Variants in SCIMP observed in about 807,000 individuals in gnomAD.
SCIMP encodes the protein SLP adapter and CSK-interacting membrane protein.
Under a neutral mutation model 22.0 loss-of-function variants are expected in SCIMP, and 18 were observed. The observed-to-expected ratio is 0.82, with a 90% CI of 0.56 to 1.21. The LOEUF (loss-of-function observed/expected upper bound fraction) is 1.21, where lower values mean the gene tolerates loss of function less well. Among genes scored for constraint, SCIMP ranks in the 50% most tolerant of loss-of-function variants. The pLI is 0.00. For missense variants in SCIMP, 155 were observed against 171.2 expected, an observed-to-expected ratio of 0.91 and a Z score of 0.53; for synonymous variants, 53 against 62.2, an observed-to-expected ratio of 0.85 and a Z score of 0.70.
At chr17:5,223,171 A>G in intron 2 of SCIMP, 162 bp downstream of exon 2, 1 of 691,986 alleles carries the variant, frequency 1.4e-6, no homozygotes. Flanking sequence ...CTAGAGACAT[A>G]ATGTAGTGGC....
chr17:5,215,267 T>G, intron 3 of SCIMP: 1 of 347,144 alleles, frequency 2.9e-6, no homozygotes, highest in South Asian at 4.6e-5. Flanking sequence ...CACACCTTCC[T>G]GGTTCACCTG....
intron 1 of SCIMP, among the ~76,000 whole-genome samples, chr17:5,226,671 A>C (rs1205242720): frequency 6.6e-6 from 1 of 150,762 alleles, no homozygotes; most frequent in Non-Finnish European, 1.5e-5. Flanking sequence ...ATGCCCGGCT[A>C]ATTTTTTTTG....
At position 5,212,053 on chromosome 17, in the gene SCIMP, AAAAG is replaced by A. The variant is rs576895516; in HGVS notation, c.284-1102_284-1099del. ...ACAGAGCGAGACTCTGTCTCAAAAA[AAAAG>A]AAAGAAAGAAAGAAAAAGAAACAAA... On this transcript the variant is annotated intron_variant, in intron 4 of 4. Coordinates refer to ENST00000574081, the MANE Select transcript of SCIMP (RefSeq NM_207103.3). 1.8e-3 allele frequency among the ~76,000 whole-genome samples: 281 copies of A among 152,250 alleles called. 1 individual carries two copies. Among genetic ancestry groups the A allele is most frequent in the African/African-American group, 5.6e-3 (232 of 41,534 alleles).
At chr17:5,220,756 T>TA (rs201322715) in intron 3 of SCIMP, among the ~76,000 whole-genome samples, 2,238 of 123,078 alleles carry the variant, frequency 0.018, 55 homozygotes, top group African/African-American at 0.063. Context: ...AAAATAAAAA[T>TA]AAAAAAAAAT....
chr17:5,224,494 G>A (rs1392782892), intron 1 of SCIMP, among the ~76,000 whole-genome samples: 1 of 147,980 alleles, frequency 6.8e-6, no homozygotes, highest in Non-Finnish European at 1.5e-5. Flanking sequence ...ACAGAGGCTT[G>A]CTCTGTCGCC....
intron 3 of SCIMP, among the ~76,000 whole-genome samples, chr17:5,219,584 C>T (rs1173898164): frequency 1.3e-5 from 2 of 152,096 alleles, no homozygotes; most frequent in African/African-American, 4.8e-5. Context: ...GCCGAAATCA[C>T]GCCATTGCTC....
chr17:5,213,032 G>C, intron 4 of SCIMP: 3 of 325,408 alleles, frequency 9.2e-6, no homozygotes, highest in Non-Finnish European at 1.1e-5. Context: ...CTTCTGAGCT[G>C]ACATCTGAAG....
chr17:5,213,096 G>C, intron 4 of SCIMP: 2 of 961,500 alleles, frequency 2.1e-6, no homozygotes, highest in Non-Finnish European at 2.4e-6. Flanking sequence ...TCCAGTCAAA[G>C]GAACCAGGCA....
At chr17:5,219,526 G>C (rs967174061) in intron 3 of SCIMP, among the ~76,000 whole-genome samples, 6 of 147,244 alleles carry the variant, frequency 4.1e-5, no homozygotes, top group Non-Finnish European at 9.0e-5. Flanking sequence ...TGCTTAGGAA[G>C]CTGAGGCAGG....
chr17:5,216,987 A>G (rs1451311478), intron 3 of SCIMP, among the ~76,000 whole-genome samples: 1 of 152,114 alleles, frequency 6.6e-6, no homozygotes, highest in Non-Finnish European at 1.5e-5. Context: ...TGACTCCTAT[A>G]TGCTATAAAG....
intron 4 of SCIMP, chr17:5,214,504 G>C (rs1294015775): frequency 1.1e-4 from 16 of 151,444 alleles, no homozygotes; most frequent in Middle Eastern, 3.5e-3. Context: ...TGCAGTGAGT[G>C]GAGATCGCGC....
chr17:5,229,601 G>C (rs2074678036), intron 1 of SCIMP, among the ~76,000 whole-genome samples: 1 of 151,842 alleles, frequency 6.6e-6, no homozygotes, highest in Non-Finnish European at 1.5e-5. Context: ...ACACCATATT[G>C]GTCAGGCTGG....
At chr17:5,211,584 CTGTTG>C in intron 4 of SCIMP, among the ~76,000 whole-genome samples, 1 of 151,952 alleles carries the variant, frequency 6.6e-6, no homozygotes, top group South Asian at 2.1e-4. Context: ...CATATGAGTG[CTGTTG>C]TGTTACAGAT....
At chr17:5,217,035 G>A (rs1188138002) in intron 3 of SCIMP, among the ~76,000 whole-genome samples, 1 of 152,120 alleles carries the variant, frequency 6.6e-6, no homozygotes, top group Non-Finnish European at 1.5e-5. Context: ...AGGTTGTTAG[G>A]TTGAGTGCAG....
chr17:5,221,226 A>C (rs1324596130), intron 3 of SCIMP, 61 bp downstream of exon 3: 1 of 1,227,466 alleles, frequency 8.1e-7, no homozygotes, highest in African/African-American at 1.5e-5. Context: ...TGGAGGGGCA[A>C]GGGTGGAAGG....
At chr17:5,218,811 A>T (rs2074584507) in intron 3 of SCIMP, among the ~76,000 whole-genome samples, 1 of 152,142 alleles carries the variant, frequency 6.6e-6, no homozygotes, top group East Asian at 1.9e-4. Flanking sequence ...TGTTTTGTAT[A>T]CAGGGTCTCA....
rs749689759 is a variant in SCIMP at position 5,214,966 on chromosome 17, G to A, written c.242C>T (p.Pro81Leu). 2.0e-5 allele frequency: 32 copies of A among 1,610,728 alleles called. No homozygotes were observed. The highest frequency in any genetic ancestry group is 1.6e-4 in the Middle Eastern group (1 of 6,076). Residue 81 changes from proline to leucine, a missense_variant, in exon 4 of 5, where the codon CCG (proline) becomes CTG (leucine). Physicochemically the swap from Pro to Leu is moderately conservative, Grantham distance 98. Coordinates refer to ENST00000574081, the MANE Select transcript of SCIMP (RefSeq NM_207103.3). ...NVLNESPVQL[P>L]PLPPRNWPSL... ...AGGCCAATTCCTCGGTGGCAGAGGC[G>A]GTAATTGAACTGGCGACTCATTAAG...
At chr17:5,225,985 C>T (rs887112744) in intron 1 of SCIMP, among the ~76,000 whole-genome samples, 15 of 152,082 alleles carry the variant, frequency 9.9e-5, no homozygotes, top group South Asian at 2.1e-4. Context: ...TGGTGTGTGG[C>T]GGAAAAACCC....
At chr17:5,224,611 C>G (rs1365162628) in intron 1 of SCIMP, among the ~76,000 whole-genome samples, 3 of 152,000 alleles carry the variant, frequency 2.0e-5, no homozygotes, top group East Asian at 3.9e-4. Context: ...TGTGTGCCAC[C>G]TCGCCTGGCT....
Sources: allele counts gnomAD v4.1 joint callset (sites outside exome capture counted in the v4.1 genomes callset), GRCh38; gene constraint gnomAD v4.1.1; transcripts MANE v1.5; gene names NCBI Gene and HGNC (gene_info 2026-07-23, HGNC 2026-07-21).